The following PARD3 variants were observed in gnomAD, a reference collection of about 807,000 sequenced individuals.
PARD3 encodes the protein partitioning defective 3 homolog.
A neutral mutation model predicts 155.4 loss-of-function variants in PARD3; 75 were observed. The observed-to-expected ratio is 0.48, with a 90% CI of 0.40 to 0.58. The LOEUF is 0.58. Ranked by LOEUF, PARD3 falls within the 20% of genes least tolerant of loss-of-function variation. The pLI is 0.00. For synonymous variants in PARD3, 576 were observed against 610.5 expected (o/e 0.94, Z 0.83); for missense variants, 1,642 against 1,721.7 (o/e 0.95, Z 0.82).
chr10:34,733,540 G>A (rs541053067), intron 1 of PARD3, among the ~76,000 whole-genome samples: 2 of 152,318 alleles, frequency 1.3e-5, no homozygotes, highest in Middle Eastern at 3.4e-3. Context: ...CTGGAGTGCA[G>A]TGGCACCATC....
At chr10:34,342,544 A>G (rs1268201116) in intron 15 of PARD3, among the ~76,000 whole-genome samples, 1 of 152,190 alleles carries the variant, frequency 6.6e-6, no homozygotes, top group Non-Finnish European at 1.5e-5. Context: ...GTGAAACTTA[A>G]AAGATGAGTA....
chr10:34,759,481 A>G (rs775709735), intron 1 of PARD3, among the ~76,000 whole-genome samples: 1 of 152,248 alleles, frequency 6.6e-6, no homozygotes, highest in Non-Finnish European at 1.5e-5. Flanking sequence ...TCCACGCATC[A>G]ACAAAAGGGA....
intron 1 of PARD3, among the ~76,000 whole-genome samples, chr10:34,736,009 C>A (rs112229519): frequency 9.2e-5 from 14 of 152,020 alleles, no homozygotes; most frequent in African/African-American, 3.4e-4. Flanking sequence ...CAGGCATGAG[C>A]CACCACACCA....
chr10:34,129,693 C>A (rs1321822411), intron 23 of PARD3, among the ~76,000 whole-genome samples: 1 of 49,982 alleles, frequency 2.0e-5, no homozygotes, highest in Non-Finnish European at 6.0e-5. Context: ...TTTGTAATGT[C>A]AAGCCTCTTT....
At chr10:34,250,146 G>A (rs1175439489) in intron 22 of PARD3, among the ~76,000 whole-genome samples, 1 of 146,740 alleles carries the variant, frequency 6.8e-6, no homozygotes. Flanking sequence ...AAAGAAAACT[G>A]CTCCCCCTCC....
At chr10:34,176,868 T>C (rs1950052476) in intron 22 of PARD3, among the ~76,000 whole-genome samples, 1 of 152,118 alleles carries the variant, frequency 6.6e-6, no homozygotes, top group South Asian at 2.1e-4. Context: ...GGTTACAAAA[T>C]TGTCAATGGA....
In PARD3 at chr10:34,456,383, G is replaced by A. The variant is rs545381520; in HGVS notation, c.583-5935C>T. The stretch of plus-strand genomic sequence containing the variant: ...TCAATCTCGGCTCACCACAACCTCC[G>A]TCTCCCTGGTTCAAACGATTCTCCT... On this transcript the variant is annotated intron_variant, in intron 4 of 24. Coordinates refer to ENST00000374788, the MANE Select transcript of PARD3 (RefSeq NM_001184785.2). Among the ~76,000 whole-genome samples, 10 of 152,126 alleles carry A rather than the reference G, an allele frequency of 6.6e-5. No homozygotes were observed. In the South Asian group the frequency reaches 1.2e-3, roughly 19 times the overall value.
intron 1 of PARD3, among the ~76,000 whole-genome samples, chr10:34,722,346 T>C (rs2094622222): frequency 6.6e-6 from 1 of 152,216 alleles, no homozygotes; most frequent in African/African-American, 2.4e-5. Context: ...ACTCTTGCTA[T>C]CTCCAGTGGT....
rs560072780 is a variant in PARD3, at chr10:34,692,467, C to T, written c.222+3851G>A. Among the ~76,000 whole-genome samples the T allele has an allele frequency of 1.1e-3, 173 of 152,286 alleles. 1 individual carries two copies. Among genetic ancestry groups the T allele is most frequent in the Non-Finnish European group, 2.1e-3 (143 of 68,022 alleles). ...AGAAACTATCAACAGAGTAAACAGA[C>T]AACCTACAGAATGGGAGAAAATATT... On this transcript the variant is annotated intron_variant, in intron 2 of 24. Coordinates refer to ENST00000374788, the MANE Select transcript of PARD3 (RefSeq NM_001184785.2).
At chr10:34,569,768 A>C (rs905906213) in intron 2 of PARD3, among the ~76,000 whole-genome samples, 6 of 152,164 alleles carry the variant, frequency 3.9e-5, no homozygotes, top group African/African-American at 1.4e-4. Flanking sequence ...GCATGACTAA[A>C]GGATATCAAA....
intron 22 of PARD3, among the ~76,000 whole-genome samples, chr10:34,203,332 A>C (rs772101391): frequency 1.3e-5 from 2 of 152,180 alleles, no homozygotes; most frequent in Non-Finnish European, 2.9e-5. Flanking sequence ...AGATCAAATG[A>C]ATGGCTGTTC....
intron 2 of PARD3, among the ~76,000 whole-genome samples, chr10:34,625,136 A>G (rs2091917102): frequency 6.6e-6 from 1 of 152,212 alleles, no homozygotes; most frequent in Non-Finnish European, 1.5e-5. Flanking sequence ...TATAAGACAG[A>G]GTCAAAAACT....
intron 20 of PARD3, among the ~76,000 whole-genome samples, chr10:34,291,153 G>A (rs1414391353): frequency 1.3e-5 from 2 of 152,072 alleles, no homozygotes; most frequent in African/African-American, 4.8e-5. Flanking sequence ...AGTCCTAATA[G>A]GTAATTGCTA....
At chr10:34,615,249 C>T (rs1206759169) in intron 2 of PARD3, among the ~76,000 whole-genome samples, 2 of 152,034 alleles carry the variant, frequency 1.3e-5, no homozygotes, top group Non-Finnish European at 2.9e-5. Context: ...CTACAGTAAC[C>T]AAAACAGCAT....
chr10:34,437,291 G>A (rs753436633), intron 5 of PARD3, among the ~76,000 whole-genome samples: 8 of 152,066 alleles, frequency 5.3e-5, no homozygotes, highest in Non-Finnish European at 1.2e-4. Context: ...ATACACTCCA[G>A]TGACTAAGAA....
chr10:34,352,782 A>G (rs1190302427), intron 14 of PARD3, among the ~76,000 whole-genome samples: 1 of 152,152 alleles, frequency 6.6e-6, no homozygotes, highest in African/African-American at 2.4e-5. Flanking sequence ...CTGGGAAGTG[A>G]GGAGCCTCTC....
intron 2 of PARD3, among the ~76,000 whole-genome samples, chr10:34,587,993 T>G (rs562388355): frequency 5.9e-5 from 9 of 152,266 alleles, no homozygotes; most frequent in Admixed American, 4.6e-4. Flanking sequence ...ACTCGCATTT[T>G]CATTCTGCAT....
chr10:34,791,790 T>C (rs1841658431), intron 1 of PARD3, among the ~76,000 whole-genome samples: 1 of 150,996 alleles, frequency 6.6e-6, no homozygotes. Context: ...CAGTGAGCTG[T>C]GATTGCACCA....
intron 22 of PARD3, among the ~76,000 whole-genome samples, chr10:34,209,451 G>A (rs1399179895): frequency 6.6e-6 from 1 of 152,212 alleles, no homozygotes; most frequent in Middle Eastern, 3.2e-3. Context: ...AAGAAGCCAA[G>A]TATAGTTGAT....
Sources: gnomAD v4.1 joint callset for allele counts (sites outside exome capture counted in the v4.1 genomes callset) on GRCh38, gnomAD v4.1.1 for gene constraint, MANE v1.5 for transcripts, NCBI Gene and HGNC (gene_info 2026-07-23, HGNC 2026-07-21) for gene names.